Variants in HORMAD2 observed in about 807,000 individuals in gnomAD.
The protein encoded by HORMAD2 is HORMA domain containing 2.
A neutral mutation model predicts 38.8 loss-of-function variants in HORMAD2; 45 were observed. The observed-to-expected ratio is 1.16, with a 90% CI of 0.91 to 1.49. HORMAD2 has a LOEUF of 1.49. HORMAD2 is among the 40% of genes most tolerant of loss of function. HORMAD2 has a pLI of 0.00. For missense variants in HORMAD2, 338 were observed against 367.0 expected (o/e 0.92, Z 0.65); for synonymous variants, 126 against 122.8 (o/e 1.03, Z -0.17).
chr22:30,141,886 C>T (rs372716181), intron 10 of HORMAD2, among the ~76,000 whole-genome samples: 16 of 152,268 alleles, frequency 1.1e-4, no homozygotes, highest in South Asian at 2.1e-4. Context: ...TGAGCCACTG[C>T]GCCCAGCCGA....
intron 10 of HORMAD2, among the ~76,000 whole-genome samples, chr22:30,156,721 A>G (rs1156865175): frequency 1.3e-5 from 2 of 152,234 alleles, no homozygotes; most frequent in African/African-American, 2.4e-5. Flanking sequence ...CATTGAATTG[A>G]TTGTCCCTTG....
chr22:30,087,857 C>T (rs1309015553), intron 1 of HORMAD2, among the ~76,000 whole-genome samples: 1 of 152,162 alleles, frequency 6.6e-6, no homozygotes, highest in Non-Finnish European at 1.5e-5. Context: ...CCAGTTATCT[C>T]CTACTGTGCC....
chr22:30,151,394 G>T (rs1924740805), intron 10 of HORMAD2, among the ~76,000 whole-genome samples: 1 of 152,094 alleles, frequency 6.6e-6, no homozygotes, highest in Admixed American at 6.5e-5. Flanking sequence ...TTAGTTTATA[G>T]GACAAGCAAT....
At chr22:30,133,012 T>C (rs760162107) in intron 10 of HORMAD2, among the ~76,000 whole-genome samples, 1 of 152,160 alleles carries the variant, frequency 6.6e-6, no homozygotes, top group Non-Finnish European at 1.5e-5. Flanking sequence ...AATATTCTGT[T>C]TGGTTAAAAA....
intron 10 of HORMAD2, among the ~76,000 whole-genome samples, chr22:30,123,689 A>G (rs2146133994): frequency 6.6e-6 from 1 of 151,134 alleles, no homozygotes; most frequent in African/African-American, 2.4e-5. Flanking sequence ...TTAGGGAAAG[A>G]GTCTTGCTCT....
chr22:30,138,934 GC>G (rs1671570306), intron 10 of HORMAD2, among the ~76,000 whole-genome samples: 1 of 152,062 alleles, frequency 6.6e-6, no homozygotes, highest in Non-Finnish European at 1.5e-5. Flanking sequence ...TTTAAGTTAA[GC>G]AGGTTGCTTT....
In HORMAD2 at chr22:30,111,834, T is replaced by C. The variant is rs769925476; in HGVS notation, c.315+18T>C. ...TACTGACAGTAAGTACACACTCATT[T>C]AAAGACCAAGCCTCTGTCTCTATTT... On this transcript the variant is annotated intron_variant, in intron 6 of 10. Transcript: ENST00000336726. 8.3e-6 allele frequency: 13 copies of C among 1,563,008 alleles called. No homozygotes were observed. The East Asian group carries it at 2.8e-4, about 33-fold the overall frequency.
chr22:30,122,004 G>A lies in HORMAD2; in HGVS notation c.609G>A (p.Gly203=). The change falls in exon 10 of 11, where the codon GGG becomes GGA. Residue 203 remains glycine (G), a synonymous_variant. Transcript: ENST00000336726. ...ACCAACCCCTCGGTTTTAAAGAAGG[G>A]GTAAATTCACACTTCCTGCTGTTTG... The part of the protein sequence containing the change: ...HDYQPLGFKE[G]VNSHFLLFDK... The A allele has an allele frequency of 3.1e-6, 5 of 1,612,346 alleles. No homozygotes were observed. Among genetic ancestry groups the A allele is most frequent in the Non-Finnish European group, 4.2e-6 (5 of 1,179,146 alleles).
intron 10 of HORMAD2, among the ~76,000 whole-genome samples, chr22:30,164,475 T>C (rs1925653210): frequency 6.6e-6 from 1 of 152,220 alleles, no homozygotes; most frequent in Non-Finnish European, 1.5e-5. Context: ...TTCTGTTTTA[T>C]TTTTTACTAA....
intron 4 of HORMAD2, among the ~76,000 whole-genome samples, chr22:30,104,015 A>G (rs1921006331): frequency 1.3e-5 from 2 of 152,140 alleles, no homozygotes; most frequent in Non-Finnish European, 2.9e-5. Flanking sequence ...GAATTATTCA[A>G]TATAATTTTA....
At chr22:30,096,856 T>C (rs1437383394) in intron 2 of HORMAD2, among the ~76,000 whole-genome samples, 1 of 152,216 alleles carries the variant, frequency 6.6e-6, no homozygotes, top group Non-Finnish European at 1.5e-5. Flanking sequence ...TCTTTTATTG[T>C]CTATTTTCAC....
intron 10 of HORMAD2, among the ~76,000 whole-genome samples, chr22:30,134,291 C>T (rs1295233765): frequency 5.3e-5 from 8 of 151,054 alleles, no homozygotes; most frequent in African/African-American, 1.5e-4. Flanking sequence ...CCCAACTACT[C>T]GGTAGGCTGA....
At chr22:30,174,635 G>C (rs568476783) in intron 10 of HORMAD2, among the ~76,000 whole-genome samples, 1 of 152,086 alleles carries the variant, frequency 6.6e-6, no homozygotes, top group Non-Finnish European at 1.5e-5. Context: ...CAGGTCAACT[G>C]GTCAGTTGAG....
chr22:30,155,160 T>A (rs1395543238), intron 10 of HORMAD2, among the ~76,000 whole-genome samples: 1 of 151,908 alleles, frequency 6.6e-6, no homozygotes, highest in Non-Finnish European at 1.5e-5. Context: ...AGGTGGCACA[T>A]GATTTTGATT....
intron 10 of HORMAD2, among the ~76,000 whole-genome samples, chr22:30,154,375 T>A (rs527914280): frequency 4.6e-5 from 7 of 152,356 alleles, no homozygotes; most frequent in Non-Finnish European, 1.0e-4. Flanking sequence ...ACACAAATCA[T>A]GTTTTATTTT....
At chr22:30,097,123 C>G (rs1391121240) in intron 2 of HORMAD2, among the ~76,000 whole-genome samples, 1 of 152,168 alleles carries the variant, frequency 6.6e-6, no homozygotes, top group African/African-American at 2.4e-5. Flanking sequence ...AGCAGCCTCA[C>G]AGAATAATTA....
At chr22:30,131,265 G>A (rs1426930250) in intron 10 of HORMAD2, among the ~76,000 whole-genome samples, 3 of 152,126 alleles carry the variant, frequency 2.0e-5, no homozygotes, top group Non-Finnish European at 2.9e-5. Context: ...AAGATGGAGG[G>A]CTAATGTTGG....
chr22:30,118,347 C>T (rs546654681), intron 7 of HORMAD2, among the ~76,000 whole-genome samples: 2 of 152,194 alleles, frequency 1.3e-5, no homozygotes, highest in Non-Finnish European at 2.9e-5. Flanking sequence ...AGGCACCCCA[C>T]CCCCAAGATC....
At chr22:30,170,074 G>A (rs1217531766) in intron 10 of HORMAD2, among the ~76,000 whole-genome samples, 1 of 152,142 alleles carries the variant, frequency 6.6e-6, no homozygotes, top group Non-Finnish European at 1.5e-5. Flanking sequence ...AACATCAGTG[G>A]TATAACTTAC....
Sources: allele counts gnomAD v4.1 joint callset (sites outside exome capture counted in the v4.1 genomes callset), GRCh38; gene constraint gnomAD v4.1.1; transcripts MANE v1.5; gene names NCBI Gene and HGNC (gene_info 2026-07-23, HGNC 2026-07-21).